Variants in SSX2IP observed in about 807,000 individuals in gnomAD.
SSX2IP encodes afadin- and alpha-actinin-binding protein.
SSX2IP carries 55 observed loss-of-function variants against 84.9 expected under a neutral mutation model. The ratio of observed to expected loss-of-function variants is 0.65; its 90% CI spans 0.52 to 0.81. The LOEUF (loss-of-function observed/expected upper bound fraction) is 0.81. Ranked by LOEUF, SSX2IP falls within the 30% of genes least tolerant of loss-of-function variation. The pLI, the probability that SSX2IP is intolerant of heterozygous loss-of-function variation, is 0.00. For synonymous variants in SSX2IP, 239 were observed against 234.7 expected, an observed-to-expected ratio of 1.02 and a Z score of -0.17; for missense variants, 664 against 705.2, an observed-to-expected ratio of 0.94 and a Z score of 0.66.
At chr1:84,661,067 TAAAAAAAA>T (rs11362632) in intron 8 of SSX2IP, among the ~76,000 whole-genome samples, 1 of 107,456 alleles carries the variant, frequency 9.3e-6, no homozygotes, top group African/African-American at 3.6e-5. Flanking sequence ...CTCCGTCTCT[TAAAAAAAA>T]AAAAAAAAAA....
chr1:84,683,582 C>A (rs1050339130), intron 1 of SSX2IP, among the ~76,000 whole-genome samples: 1 of 152,182 alleles, frequency 6.6e-6, no homozygotes, highest in Non-Finnish European at 1.5e-5. Context: ...TCTCATTTGG[C>A]AGGCTTGTCA....
intron 4 of SSX2IP, 43 bp downstream of exon 4, chr1:84,669,638 A>G (rs778114427): frequency 1.4e-6 from 2 of 1,469,898 alleles, no homozygotes; most frequent in East Asian, 4.5e-5. Context: ...ATAGTACTCA[A>G]TTATATAATT....
intron 11 of SSX2IP, chr1:84,655,300 T>A: frequency 9.4e-7 from 1 of 1,061,032 alleles, no homozygotes; most frequent in Non-Finnish European, 1.1e-6. Flanking sequence ...TTTTAATGAG[T>A]TTTGTTGATT....
At chr1:84,680,184 T>C (rs1399661467) in intron 1 of SSX2IP, among the ~76,000 whole-genome samples, 1 of 152,226 alleles carries the variant, frequency 6.6e-6, no homozygotes, top group African/African-American at 2.4e-5. Context: ...TAGAAAGCCA[T>C]CCTCAGCTTA....
Position 84,676,719 on chromosome 1 carries a change from CTTTTT to C in SSX2IP, c.-89-5416_-89-5412del, listed in dbSNP as rs61017474. On this transcript the variant is annotated intron_variant, in intron 1 of 13. Coordinates refer to ENST00000342203, the MANE Select transcript of SSX2IP (RefSeq NM_001166293.2). ...GATTTCAAGACTCTGTGCTCTTTTCCTTTTTTTTTTTTTTTTTTTTTGAAACGGAG... is the reference window on the plus strand; with the variant it reads ...GATTTCAAGACTCTGTGCTCTTTTCCTTTTTTTTTTTTTTTTGAAACGGAG... Among the ~76,000 whole-genome samples the C allele has an allele frequency of 4.1e-3, 411 of 99,484 alleles. 2 individuals carry two copies. Among genetic ancestry groups the C allele is most frequent in the African/African-American group, 0.015 (382 of 26,184 alleles). 65.3% of individuals were successfully genotyped at this position (99,484 alleles called of 152,430 possible).
rs1405566065 is a variant in SSX2IP, at chr1:84,671,325, T to C, written c.-89-17A>G. ...AGGCATCTCCTTAAAAAGCAGATTATAGAATAATAGCATCTAATTTAAAAT... is the reference window on the plus strand; with the variant it reads ...AGGCATCTCCTTAAAAAGCAGATTACAGAATAATAGCATCTAATTTAAAAT... On this transcript the variant is annotated splice_polypyrimidine_tract_variant and intron_variant, in intron 1 of 13. Transcript: ENST00000342203. 14 of 1,500,834 alleles carry C rather than the reference T, an allele frequency of 9.3e-6. No individual in the cohort carries two copies. Among genetic ancestry groups the C allele is most frequent in the African/African-American group, 1.4e-5 (1 of 70,538 alleles). 93.0% of individuals were successfully genotyped at this position (1,500,834 alleles called of 1,614,324 possible). A position where few individuals can be genotyped will look rare whatever the true frequency, so the allele number is the denominator to read the frequency against.
In SSX2IP at chr1:84,652,190, G is replaced by T. The variant is rs558471124; in HGVS notation, c.1390-193C>A. 8.3e-5 allele frequency: 42 copies of T among 506,176 alleles called. No individual in the cohort carries two copies. The Admixed American group carries it at 9.4e-4, about 11-fold the overall frequency. 31.4% of individuals were successfully genotyped at this position (506,176 alleles called of 1,614,324 possible). ...TAATCCCAGTATTTTGGGAGGCTGAGGGTTGGTGGAGCACTTGAACTGAGG... is the reference window on the plus strand; with the variant it reads ...TAATCCCAGTATTTTGGGAGGCTGATGGTTGGTGGAGCACTTGAACTGAGG... On this transcript the variant is annotated intron_variant, in intron 11 of 13. Transcript: ENST00000342203.
intron 8 of SSX2IP, among the ~76,000 whole-genome samples, chr1:84,659,178 T>C (rs558507960): frequency 1.3e-5 from 2 of 152,228 alleles, no homozygotes; most frequent in East Asian, 3.9e-4. Context: ...ACTTCACTAA[T>C]TTGAACAATA....
At position 84,671,164 on chromosome 1, in the gene SSX2IP, T is replaced by G. The variant is rs747369060; in HGVS notation, c.43+13A>C. On this transcript the variant is annotated intron_variant, in intron 2 of 13. Transcript: ENST00000342203. The stretch of plus-strand genomic sequence containing the variant: ...GTTTCTGCTTTTGTTTACAATTATT[T>G]AGACTTAATTACCTGAAGACAGACC... 2.1e-5 allele frequency: 34 copies of G among 1,608,272 alleles called. No homozygotes were observed. The highest frequency in any genetic ancestry group is 2.7e-5 in the Non-Finnish European group (32 of 1,177,862).
intron 3 of SSX2IP, 130 bp from the exon 4 acceptor site, chr1:84,670,023 AT>A: frequency 1.6e-6 from 1 of 630,682 alleles, no homozygotes; most frequent in Non-Finnish European, 2.7e-6. Flanking sequence ...ACCTCAGCTA[AT>A]AACTACGTAC....
At chr1:84,658,794 A>G (rs1050706447) in intron 8 of SSX2IP, among the ~76,000 whole-genome samples, 2 of 152,204 alleles carry the variant, frequency 1.3e-5, no homozygotes, top group African/African-American at 4.8e-5. Flanking sequence ...AATGTGGGAA[A>G]ACCGAGGTTT....
chr1:84,684,793 C>G (rs1453421556), intron 1 of SSX2IP, among the ~76,000 whole-genome samples: 1 of 151,754 alleles, frequency 6.6e-6, no homozygotes, highest in Non-Finnish European at 1.5e-5. Context: ...AATCAGAAAA[C>G]TTCAGTGACA....
rs1224205496 is a variant in SSX2IP at position 84,644,833 on chromosome 1, T to C, written c.*2600A>G. The C allele has an allele frequency of 1.3e-5, 2 of 152,258 alleles. No individual in the cohort carries two copies. The highest frequency in any genetic ancestry group is 2.4e-5 in the African/African-American group (1 of 41,468). The allele number at this position is 152,258 out of a possible 1,614,324, so 9.4% of individuals were successfully genotyped here. A position where few individuals can be genotyped will look rare whatever the true frequency, so the allele number is the denominator to read the frequency against. On this transcript the variant is annotated 3_prime_UTR_variant, in exon 14 of 14. Coordinates refer to ENST00000342203, the MANE Select transcript of SSX2IP (RefSeq NM_001166293.2). Reference sequence around the variant, plus strand: ...TTTACAAATAACAGTATTTCAATTATGCCATGTAAGTAAACAATTTGCTGT... The same window carrying C: ...TTTACAAATAACAGTATTTCAATTACGCCATGTAAGTAAACAATTTGCTGT...
At chr1:84,664,037 C>T (rs929202722) in intron 6 of SSX2IP, among the ~76,000 whole-genome samples, 3 of 152,078 alleles carry the variant, frequency 2.0e-5, no homozygotes, top group African/African-American at 4.8e-5. Context: ...CTGACATGAA[C>T]GATTTGGTCT....
chr1:84,666,222 TC>T lies in SSX2IP; in HGVS notation c.436del (p.Glu146LysfsTer7), dbSNP rs866900003. On this transcript the variant is annotated frameshift_variant, in exon 5 of 14. Coordinates refer to ENST00000342203, the MANE Select transcript of SSX2IP (RefSeq NM_001166293.2). LOFTEE classifies it high-confidence loss of function. ...SCYSKLKEQL[E>X]TSRREMIGLQ... is the part of the protein sequence containing the mutation. ...CCCAATCATTTCCCTCCTGGAGGTTTCCAGTTGTTCCTAAAACATTTATAAG... is the reference window on the plus strand; with the variant it reads ...CCCAATCATTTCCCTCCTGGAGGTTTCAGTTGTTCCTAAAACATTTATAAG... The T allele has an allele frequency of 6.2e-7, 1 of 1,609,228 alleles. No individual in the cohort carries two copies. The highest frequency in any genetic ancestry group is 1.7e-5 in the Admixed American group (1 of 59,054).
At chr1:84,655,303 T>G in intron 11 of SSX2IP, 1 of 1,071,984 alleles carries the variant, frequency 9.3e-7, no homozygotes, top group Non-Finnish European at 1.1e-6. Context: ...TAATGAGTTT[T>G]GTTGATTTTT....
At chr1:84,670,030 C>A in intron 3 of SSX2IP, 137 bp from the exon 4 acceptor site, 1 of 606,732 alleles carries the variant, frequency 1.6e-6, no homozygotes, top group Non-Finnish European at 2.8e-6. Flanking sequence ...CTAATAACTA[C>A]GTACTATATT....
intron 1 of SSX2IP, among the ~76,000 whole-genome samples, chr1:84,689,845 A>G (rs931927003): frequency 6.6e-6 from 1 of 152,166 alleles, no homozygotes; most frequent in African/African-American, 2.4e-5. Context: ...CTTCCCCTAG[A>G]CTTTTTACTA....
At chr1:84,688,699 T>C (rs1048702276) in intron 1 of SSX2IP, among the ~76,000 whole-genome samples, 4 of 152,040 alleles carry the variant, frequency 2.6e-5, no homozygotes, top group African/African-American at 9.7e-5. Context: ...ATCTGCCTCA[T>C]TATGTTTAGA....
Sources: allele counts gnomAD v4.1 joint callset (sites outside exome capture counted in the v4.1 genomes callset), GRCh38; gene constraint gnomAD v4.1.1; transcripts MANE v1.5; gene names NCBI Gene and HGNC (gene_info 2026-07-23, HGNC 2026-07-21).